The following RABGAP1L variants were observed in gnomAD, a reference collection of about 807,000 sequenced individuals.
The protein encoded by RABGAP1L is rab GTPase-activating protein 1-like.
In RABGAP1L, 63 loss-of-function variants were observed where a neutral mutation model predicts 137.7. The observed-to-expected ratio is 0.46, with a 90% CI of 0.37 to 0.56. RABGAP1L has a LOEUF of 0.56. Among genes scored for constraint, RABGAP1L ranks in the 20% least tolerant of loss-of-function variants. The pLI is 0.00. For synonymous variants in RABGAP1L, 431 were observed against 433.7 expected (o/e 0.99, Z 0.08); for missense variants, 1,095 against 1,244.0 (o/e 0.88, Z 1.80).
At chr1:174,365,286 G>A (rs941363329) in intron 11 of RABGAP1L, 1 of 152,086 alleles carries the variant, frequency 6.6e-6, no homozygotes, top group African/African-American at 2.4e-5. Context: ...ACATTCTCTT[G>A]CTGCCGTGTT....
chr1:174,350,106 T>C (rs1319302446), intron 11 of RABGAP1L, among the ~76,000 whole-genome samples: 1 of 127,358 alleles, frequency 7.9e-6, no homozygotes, highest in African/African-American at 3.1e-5. Flanking sequence ...CCCACCTCCC[T>C]CCCGGACGGC....
intron 13 of RABGAP1L, among the ~76,000 whole-genome samples, chr1:174,613,497 T>C (rs377217093): frequency 6.6e-6 from 1 of 152,294 alleles, no homozygotes; most frequent in South Asian, 2.1e-4. Context: ...AATTTTGGAA[T>C]AGGTGTGGTT....
intron 13 of RABGAP1L, among the ~76,000 whole-genome samples, chr1:174,465,016 G>C (rs1175474480): frequency 6.6e-6 from 1 of 151,652 alleles, no homozygotes; most frequent in Non-Finnish European, 1.5e-5. Context: ...TGATCCTATT[G>C]ACATAGGATC....
chr1:174,719,978 A>G (rs1681361395), intron 17 of RABGAP1L, among the ~76,000 whole-genome samples: 1 of 151,914 alleles, frequency 6.6e-6, no homozygotes, highest in Non-Finnish European at 1.5e-5. Context: ...ATAAGACAGT[A>G]TTTCTCAAAG....
At chr1:174,301,577 G>T (rs1228151124) in intron 10 of RABGAP1L, among the ~76,000 whole-genome samples, 1 of 151,758 alleles carries the variant, frequency 6.6e-6, no homozygotes, top group African/African-American at 2.4e-5. Flanking sequence ...AGAAGAATAG[G>T]ATCACGCTGA....
intron 13 of RABGAP1L, among the ~76,000 whole-genome samples, chr1:174,636,371 C>CA (rs968219133): frequency 2.0e-5 from 3 of 151,330 alleles, no homozygotes; most frequent in Admixed American, 6.6e-5. Flanking sequence ...TACACACACA[C>CA]AAAAAAAATA....
intron 1 of RABGAP1L, among the ~76,000 whole-genome samples, chr1:174,195,705 C>CTTTCTT (rs1558021580): frequency 1.4e-4 from 14 of 98,126 alleles, no homozygotes; most frequent in African/African-American, 7.3e-4. Flanking sequence ...TCCTTCTTTC[C>CTTTCTT]TTCTTTCTTT....
intron 10 of RABGAP1L, among the ~76,000 whole-genome samples, chr1:174,285,667 TGTG>T (rs1488313979): frequency 6.6e-6 from 1 of 152,122 alleles, no homozygotes; most frequent in African/African-American, 2.4e-5. Context: ...GTTGAATAGA[TGTG>T]GTGAGAGTGG....
intron 13 of RABGAP1L, among the ~76,000 whole-genome samples, chr1:174,438,758 A>G (rs1027149586): frequency 3.5e-5 from 5 of 140,956 alleles, no homozygotes; most frequent in Non-Finnish European, 4.6e-5. Context: ...ATATATATAT[A>G]TATATATATA....
Position 174,280,050 on chromosome 1 carries a change from A to AGG in RABGAP1L, c.1323+1272_1323+1273insGG, listed in dbSNP as rs778800389. The stretch of plus-strand genomic sequence containing the variant: ...TACTTTTGACTGTCTGTCTGCCTGG[A>AGG]GAGAGAGAGAGAGAGAGAGAGAGAG... On this transcript the variant is annotated intron_variant, in intron 10 of 25. Coordinates refer to ENST00000681986, the MANE Select transcript of RABGAP1L (RefSeq NM_001366446.1). Among the ~76,000 whole-genome samples, 400 of 86,310 alleles carry AGG rather than the reference A, an allele frequency of 4.6e-3. 1 individual carries two copies. The highest frequency in any genetic ancestry group is 6.4e-3 in the Non-Finnish European group (306 of 47,990). The allele number at this position is 86,310 out of a possible 152,430, so 56.6% of individuals were successfully genotyped here. A position where few individuals can be genotyped will look rare whatever the true frequency, so the allele number is the denominator to read the frequency against.
intron 13 of RABGAP1L, among the ~76,000 whole-genome samples, chr1:174,548,944 C>G (rs1572277468): frequency 6.6e-6 from 1 of 152,148 alleles, no homozygotes; most frequent in African/African-American, 2.4e-5. Flanking sequence ...AAATGTTTTA[C>G]TATTGTGCTT....
chr1:174,242,083 T>C lies in RABGAP1L; in HGVS notation c.717+426T>C, dbSNP rs142526108. Among the ~76,000 whole-genome samples, 329 of 152,368 alleles carry C rather than the reference T, an allele frequency of 2.2e-3. 1 individual carries two copies. Among genetic ancestry groups the C allele is most frequent in the African/African-American group, 7.2e-3 (298 of 41,586 alleles). ...ATTTAGATATTGCATTAAGATTATT[T>C]TATCAATCTCTGTGGTTTTCATTGA... On this transcript the variant is annotated intron_variant, in intron 5 of 25. Transcript: ENST00000681986.
At chr1:174,798,331 C>CG (rs1688435343) in intron 18 of RABGAP1L, among the ~76,000 whole-genome samples, 1 of 151,382 alleles carries the variant, frequency 6.6e-6, no homozygotes, top group African/African-American at 2.4e-5. Context: ...GATGTGAACC[C>CG]GGGAGGCAGA....
At chr1:174,411,000 G>A (rs1042163774) in intron 13 of RABGAP1L, among the ~76,000 whole-genome samples, 4 of 151,962 alleles carry the variant, frequency 2.6e-5, no homozygotes, top group Non-Finnish European at 4.4e-5. Flanking sequence ...TTGTGTATGT[G>A]GCTAATTGTG....
intron 18 of RABGAP1L, among the ~76,000 whole-genome samples, chr1:174,768,976 A>G (rs1037493083): frequency 2.0e-5 from 3 of 152,054 alleles, no homozygotes; most frequent in African/African-American, 7.3e-5. Flanking sequence ...CCTCTATCAG[A>G]AAAGTTTTTT....
chr1:174,238,873 G>C (rs1490439443), intron 4 of RABGAP1L: 1 of 157,428 alleles, frequency 6.4e-6, no homozygotes, highest in South Asian at 1.9e-4. Context: ...CAGCCTTGCT[G>C]CCGCCTTGCA....
intron 1 of RABGAP1L, among the ~76,000 whole-genome samples, chr1:174,176,818 G>A (rs902803121): frequency 6.7e-6 from 1 of 149,932 alleles, no homozygotes. Context: ...GGTGGCTCAC[G>A]TGTGTAATCC....
intron 13 of RABGAP1L, among the ~76,000 whole-genome samples, chr1:174,602,014 C>A (rs1670453303): frequency 6.6e-6 from 1 of 152,152 alleles, no homozygotes; most frequent in Non-Finnish European, 1.5e-5. Context: ...AGCTATTCAA[C>A]AAGTCTCTGG....
intron 13 of RABGAP1L, among the ~76,000 whole-genome samples, chr1:174,565,033 T>A (rs1465041190): frequency 2.0e-5 from 3 of 152,210 alleles, no homozygotes; most frequent in Non-Finnish European, 4.4e-5. Flanking sequence ...TAATTCTTTT[T>A]AAAAGGACAG....
Sources: allele counts gnomAD v4.1 joint callset (sites outside exome capture counted in the v4.1 genomes callset), GRCh38; gene constraint gnomAD v4.1.1; transcripts MANE v1.5; gene names NCBI Gene and HGNC (gene_info 2026-07-23, HGNC 2026-07-21).